Variants in PRH1 observed in about 807,000 individuals in gnomAD.
PRH1 encodes proline rich protein HaeIII subfamily 1.
A neutral mutation model predicts 7.9 loss-of-function variants in PRH1; 7 were observed. The observed-to-expected ratio is 0.89, with a 90% confidence interval of 0.50 to 1.67. PRH1 has a LOEUF of 1.67. PRH1 is among the 40% of genes most tolerant of loss of function. The probability of loss-of-function intolerance (pLI) is 0.00; values close to 1 mark genes in which losing one functional copy is unlikely to be tolerated. For synonymous variants in PRH1, 45 were observed against 80.8 expected (o/e 0.56, Z 2.38); for missense variants, 109 against 223.6 (o/e 0.49, Z 3.27).
intron 1 of PRH1, among the ~76,000 whole-genome samples, chr12:11,073,567 C>A (rs1431708252): frequency 6.6e-6 from 1 of 151,536 alleles, no homozygotes; most frequent in Non-Finnish European, 1.5e-5. Context: ...ATTGCTCTGA[C>A]TTGTTAATAA....
In PRH1 at chr12:11,094,824, A is replaced by C. The variant is rs79976084; in HGVS notation, n.124-47636T>G. Among the ~76,000 whole-genome samples the C allele has an allele frequency of 4.0e-4, 46 of 114,926 alleles. 11 individuals carry two copies. The highest frequency in any genetic ancestry group is 1.2e-3 in the African/African-American group (42 of 34,184). 75.4% of individuals were successfully genotyped at this position (114,926 alleles called of 152,430 possible). On this transcript the variant is annotated intron_variant and non_coding_transcript_variant, in intron 1 of 4. Transcript: ENST00000541977. ...CATAAACACTCAAGTAACTATGATG[A>C]AGGGCAAGACAAGGAACACCTAAAA... is the stretch of plus-strand genomic sequence containing the variant.
rs189427776 is a variant in PRH1, at chr12:11,028,143, T to G, written c.-126+18877A>C. Among the ~76,000 whole-genome samples, 638 of 152,288 alleles carry G rather than the reference T, an allele frequency of 4.2e-3. 6 individuals carry two copies. The highest frequency in any genetic ancestry group is 0.015 in the African/African-American group (612 of 41,562). On this transcript the variant is annotated intron_variant, in intron 1 of 3. Coordinates refer to the PRH1 transcript ENST00000539853. ...GGGACTTGAATGCATCACCACACTG[T>G]GGGCATGAGGTCTGACTTTCATGAC...
chr12:11,132,461 A>G (rs934785952), intron 1 of PRH1, among the ~76,000 whole-genome samples: 1 of 152,228 alleles, frequency 6.6e-6, no homozygotes, highest in African/African-American at 2.4e-5. Context: ...AAAAAATACT[A>G]AAATAATTTA....
At chr12:10,986,964 G>GCACATT in intron 1 of PRH1, 2 of 795,924 alleles carry the variant, frequency 2.5e-6, no homozygotes, top group Non-Finnish European at 3.7e-6. Context: ...TTCTGAATGT[G>GCACATT]CAGTAACATT....
chr12:10,932,741 C>T (rs1950232121), intron 2 of PRH1, among the ~76,000 whole-genome samples: 1 of 152,112 alleles, frequency 6.6e-6, no homozygotes, highest in Admixed American at 6.5e-5. Context: ...AGTTCTGTCC[C>T]TGCCTATGAT....
rs564610098 is a variant in PRH1 at position 11,077,847 on chromosome 12, T to C, written n.124-30659A>G. ...TCAAAAATACCAAGGGACCCAACAG[T>C]ATCACCAGAACAACACTCCTAATTC... is the stretch of plus-strand genomic sequence containing the variant. On this transcript the variant is annotated intron_variant and non_coding_transcript_variant, in intron 1 of 4. Transcript: ENST00000541977. 1.3e-4 allele frequency: 128 copies of C among 1,022,244 alleles called. 2 individuals carry two copies. The South Asian group carries it at 1.5e-3, about 12-fold the overall frequency. 63.3% of individuals were successfully genotyped at this position (1,022,244 alleles called of 1,614,324 possible).
upstream of PRH1, among the ~76,000 whole-genome samples, chr12:11,049,722 T>G (rs1213288910): frequency 2.0e-5 from 3 of 152,226 alleles, no homozygotes. Context: ...GTTTAAATTG[T>G]TTAAGGAGCT....
intron 1 of PRH1, among the ~76,000 whole-genome samples, chr12:10,998,980 A>T (rs2136014200): frequency 6.6e-6 from 1 of 152,252 alleles, no homozygotes; most frequent in South Asian, 2.1e-4. Flanking sequence ...AAGAATGAGT[A>T]ACTCATGGAA....
At chr12:11,085,722 G>A (rs1252304807) in intron 1 of PRH1, among the ~76,000 whole-genome samples, 1 of 116,236 alleles carries the variant, frequency 8.6e-6, no homozygotes, top group Non-Finnish European at 2.0e-5. Context: ...TGATGTTGAA[G>A]TGAAACCTGA....
At chr12:11,036,274 G>A (rs1305776079) in intron 1 of PRH1, among the ~76,000 whole-genome samples, 1 of 152,174 alleles carries the variant, frequency 6.6e-6, no homozygotes. Flanking sequence ...CAGTACTTAC[G>A]AGTTTATCAA....
chr12:10,994,319 C>T (rs963162751), intron 1 of PRH1, among the ~76,000 whole-genome samples: 1 of 152,166 alleles, frequency 6.6e-6, no homozygotes, highest in African/African-American at 2.4e-5. Context: ...CTCAGGGAAA[C>T]CCTGGCCAGT....
intron 1 of PRH1, among the ~76,000 whole-genome samples, chr12:11,020,937 A>C (rs1279507666): frequency 6.6e-6 from 1 of 152,178 alleles, no homozygotes; most frequent in Non-Finnish European, 1.5e-5. Flanking sequence ...GACTTTTCTA[A>C]CTACAGATAA....
At chr12:11,120,544 C>T (rs1163783409), downstream of PRH1, among the ~76,000 whole-genome samples, 1 of 152,134 alleles carries the variant, frequency 6.6e-6, no homozygotes, top group Non-Finnish European at 1.5e-5. Flanking sequence ...ACACTAGGGC[C>T]AGCTATAAAA....
intron 2 of PRH1, among the ~76,000 whole-genome samples, chr12:10,948,084 G>A (rs116952995): frequency 6.6e-6 from 1 of 151,986 alleles, no homozygotes; most frequent in Non-Finnish European, 1.5e-5. Flanking sequence ...TTCAATCTTG[G>A]GAAATCTGAT....
intron 1 of PRH1, among the ~76,000 whole-genome samples, chr12:11,037,321 T>C (rs1287347501): frequency 6.6e-6 from 1 of 152,246 alleles, no homozygotes; most frequent in African/African-American, 2.4e-5. Context: ...AGTTGAATTA[T>C]ATATGCACAA....
intron 1 of PRH1, chr12:11,158,752 T>C (rs1013111616): frequency 4.6e-5 from 7 of 152,260 alleles, no homozygotes; most frequent in South Asian, 2.1e-4. Flanking sequence ...ATTTCTTTCA[T>C]AGATGCAGAA....
At chr12:11,021,591 C>A in intron 1 of PRH1, 14 of 1,120,712 alleles carry the variant, frequency 1.2e-5, no homozygotes, top group Non-Finnish European at 1.7e-5. Context: ...ATGTTCCAGA[C>A]ACCATCAGTT....
intron 1 of PRH1, among the ~76,000 whole-genome samples, chr12:11,103,295 C>T (rs1342439102): frequency 4.6e-5 from 7 of 152,022 alleles, no homozygotes; most frequent in Admixed American, 6.5e-5. Context: ...AACCCAAATG[C>T]CCATCAATGA....
At chr12:11,141,274 T>C (rs1210527220) in intron 1 of PRH1, among the ~76,000 whole-genome samples, 1 of 152,198 alleles carries the variant, frequency 6.6e-6, no homozygotes, top group Non-Finnish European at 1.5e-5. Flanking sequence ...AAATATTTAT[T>C]GTTTAATTAA....
Sources: allele counts gnomAD v4.1 joint callset (sites outside exome capture counted in the v4.1 genomes callset), GRCh38; gene constraint gnomAD v4.1.1; transcripts MANE v1.5; gene names NCBI Gene and HGNC (gene_info 2026-07-23, HGNC 2026-07-21).